PRKCH: variants seen among roughly 807,000 people sequenced by gnomAD.
PRKCH encodes the protein protein kinase C eta.
In PRKCH, 28 loss-of-function variants were observed where a neutral mutation model predicts 82.5. The observed-to-expected ratio is 0.34, with a 90% confidence interval of 0.25 to 0.47. PRKCH has a LOEUF of 0.47. PRKCH is among the 20% of genes least tolerant of loss of function. The pLI is 1.00. For missense variants in PRKCH, 705 were observed against 881.8 expected (o/e 0.80, Z 2.54); for synonymous variants, 322 against 327.4 (o/e 0.98, Z 0.18).
chr14:61,314,057 A>C (rs930222982), intron 1 of PRKCH, among the ~76,000 whole-genome samples: 2 of 152,186 alleles, frequency 1.3e-5, no homozygotes, highest in African/African-American at 4.8e-5. Flanking sequence ...TTGAAAAGAT[A>C]TTTTTGCCTC....
Position 61,531,854 on chromosome 14 carries a change from A to T in PRKCH, c.1761+1259A>T, listed in dbSNP as rs144204710. Among the ~76,000 whole-genome samples, 242 of 152,296 alleles carry T rather than the reference A, an allele frequency of 1.6e-3. 1 individual carries two copies. Among genetic ancestry groups the T allele is most frequent in the African/African-American group, 5.6e-3 (231 of 41,560 alleles). On this transcript the variant is annotated intron_variant, in intron 12 of 13. Coordinates refer to ENST00000332981, the MANE Select transcript of PRKCH (RefSeq NM_006255.5). ...AGAAATTTTAGAGGAAACCATAAAT[A>T]TGGCTTTTATAATTTTATGGAAAAA...
intron 2 of PRKCH, among the ~76,000 whole-genome samples, chr14:61,413,014 T>A (rs1882348897): frequency 6.6e-6 from 1 of 152,150 alleles, no homozygotes; most frequent in Admixed American, 6.5e-5. Flanking sequence ...CTTGCTCTCC[T>A]TTGGCTGCTT....
At chr14:61,226,735 T>G (rs1047718333) in intron 1 of PRKCH, among the ~76,000 whole-genome samples, 5 of 152,202 alleles carry the variant, frequency 3.3e-5, no homozygotes, top group Admixed American at 1.3e-4. Context: ...ATTTGAGCAT[T>G]CAGTCGTTCC....
At chr14:61,296,761 T>C (rs2045409437) in intron 1 of PRKCH, among the ~76,000 whole-genome samples, 2 of 152,220 alleles carry the variant, frequency 1.3e-5, no homozygotes, top group Non-Finnish European at 2.9e-5. Flanking sequence ...TTTCTAATGA[T>C]TTTGTTTCTG....
At chr14:61,508,191 AT>A (rs1190443661) in intron 10 of PRKCH, among the ~76,000 whole-genome samples, 2 of 152,078 alleles carry the variant, frequency 1.3e-5, no homozygotes, top group African/African-American at 4.8e-5. Flanking sequence ...AAGCTACTGT[AT>A]TTCCTTGATT....
upstream of PRKCH, among the ~76,000 whole-genome samples, chr14:61,319,638 C>A (rs1370972253): frequency 6.6e-6 from 1 of 152,158 alleles, no homozygotes; most frequent in Non-Finnish European, 1.5e-5. Context: ...GCCCCAAAGT[C>A]CAACAGGAGC....
chr14:61,349,588 C>T (rs538946260), intron 1 of PRKCH, among the ~76,000 whole-genome samples: 24 of 152,188 alleles, frequency 1.6e-4, no homozygotes, highest in Admixed American at 3.9e-4. Flanking sequence ...AAATGCTGTT[C>T]GAGGTTGCTC....
At chr14:61,215,047 T>C (rs2044607362) in intron 1 of PRKCH, among the ~76,000 whole-genome samples, 1 of 152,194 alleles carries the variant, frequency 6.6e-6, no homozygotes, top group Admixed American at 6.5e-5. Flanking sequence ...TATTAATCCT[T>C]GTTTCTTATT....
At chr14:61,406,080 C>T (rs955115599) in intron 2 of PRKCH, among the ~76,000 whole-genome samples, 1 of 152,134 alleles carries the variant, frequency 6.6e-6, no homozygotes, top group Non-Finnish European at 1.5e-5. Flanking sequence ...CAGGTAAGCA[C>T]CTTGGCTGCT....
chr14:61,383,924 G>A (rs1317781137), intron 1 of PRKCH, among the ~76,000 whole-genome samples: 1 of 152,176 alleles, frequency 6.6e-6, no homozygotes, highest in Non-Finnish European at 1.5e-5. Flanking sequence ...CAAAAGGGGA[G>A]CCCAAGTGGT....
Position 61,353,404 on chromosome 14 carries a change from A to G in PRKCH, c.363+30940A>G, listed in dbSNP as rs1015339823. The G allele has an allele frequency of 3.3e-5, 5 of 152,236 alleles. No individual in the cohort carries two copies. In the East Asian group the frequency reaches 9.6e-4, roughly 29 times the overall value. The allele number at this position is 152,236 out of a possible 1,614,324, so 9.4% of individuals were successfully genotyped here. ...CTGTAGCTGTTTGAGACTTATTTAT[A>G]TTAGGACAACTAAGACTTGTTTTCT... On this transcript the variant is annotated intron_variant, in intron 1 of 13. Coordinates refer to ENST00000332981, the MANE Select transcript of PRKCH (RefSeq NM_006255.5).
At chr14:61,336,621 CT>C (rs1466224131) in intron 1 of PRKCH, among the ~76,000 whole-genome samples, 1 of 152,144 alleles carries the variant, frequency 6.6e-6, no homozygotes, top group Non-Finnish European at 1.5e-5. Flanking sequence ...GAAGTGAGTA[CT>C]TTTATTGCTG....
At chr14:61,303,030 T>TTTTTTTG (rs1555374366) in intron 1 of PRKCH, 1 of 149,510 alleles carries the variant, frequency 6.7e-6, no homozygotes, top group Non-Finnish European at 1.5e-5. Context: ...TTTTTTTTTT[T>TTTTTTTG]GAGACAGGGT....
At chr14:61,367,246 T>C (rs77883515) in intron 1 of PRKCH, among the ~76,000 whole-genome samples, 5 of 151,996 alleles carry the variant, frequency 3.3e-5, no homozygotes, top group Non-Finnish European at 7.4e-5. Flanking sequence ...CTCAAAGGGA[T>C]GTGCATCTGC....
chr14:61,483,630 C>T (rs1490114202), intron 9 of PRKCH, among the ~76,000 whole-genome samples: 2 of 152,126 alleles, frequency 1.3e-5, no homozygotes, highest in South Asian at 2.1e-4. Flanking sequence ...TAGGGGTCTG[C>T]GTGGTTACAC....
intron 12 of PRKCH, among the ~76,000 whole-genome samples, chr14:61,540,563 G>A (rs1037260292): frequency 5.9e-5 from 9 of 152,152 alleles, no homozygotes; most frequent in Non-Finnish European, 8.8e-5. Flanking sequence ...AATAACCACA[G>A]TTGCTTTAAG....
chr14:61,244,244 A>G (rs917157693), intron 1 of PRKCH, among the ~76,000 whole-genome samples: 6 of 152,174 alleles, frequency 3.9e-5, no homozygotes, highest in African/African-American at 1.2e-4. Flanking sequence ...ACAGCTGAAC[A>G]AACGACAAGA....
chr14:61,253,514 G>A (rs138338564), intron 1 of PRKCH, among the ~76,000 whole-genome samples: 1,941 of 152,266 alleles, frequency 0.013, 25 homozygotes, highest in Middle Eastern at 0.027. Flanking sequence ...TCCTTCACTG[G>A]GGTGGGGGGC....
At chr14:61,373,784 G>A (rs2046394139) in intron 1 of PRKCH, among the ~76,000 whole-genome samples, 1 of 152,000 alleles carries the variant, frequency 6.6e-6, no homozygotes, top group Non-Finnish European at 1.5e-5. Context: ...TGTATTTTTA[G>A]TAGAGATGGG....
Sources: gnomAD v4.1 joint callset for allele counts (sites outside exome capture counted in the v4.1 genomes callset) on GRCh38, gnomAD v4.1.1 for gene constraint, MANE v1.5 for transcripts, NCBI Gene and HGNC (gene_info 2026-07-23, HGNC 2026-07-21) for gene names.